The following FBN1 variants were observed in gnomAD, a reference collection of about 807,000 sequenced individuals.
FBN1 encodes the protein fibrillin-1.
FBN1 carries 29 observed loss-of-function variants against 365.1 expected under a neutral mutation model. The observed-to-expected ratio is 0.08, with a 90% CI of 0.06 to 0.11. FBN1 has a LOEUF of 0.11. FBN1 is among the 10% of genes least tolerant of loss of function. The pLI, the probability that FBN1 is intolerant of heterozygous loss-of-function variation, is 1.00. For synonymous variants in FBN1, 1,210 were observed against 1,270.5 expected (o/e 0.95, Z 1.01); for missense variants, 2,476 against 3,703.2 (o/e 0.67, Z 8.60).
At chr15:48,414,927 A>G (rs535457896) in intron 64 of FBN1, among the ~76,000 whole-genome samples, 2 of 150,834 alleles carry the variant, frequency 1.3e-5, no homozygotes, top group East Asian at 1.9e-4. Flanking sequence ...CCCTGCCCCA[A>G]CTCTCACACA....
intron 15 of FBN1, 143 bp downstream of exon 15, chr15:48,508,439 A>G: frequency 2.1e-6 from 2 of 948,758 alleles, no homozygotes; most frequent in Non-Finnish European, 3.3e-6. Flanking sequence ...TGGATTTAAG[A>G]AGGAGTTTCA....
At chr15:48,552,266 C>CT (rs1008007527) in intron 6 of FBN1, among the ~76,000 whole-genome samples, 4 of 143,320 alleles carry the variant, frequency 2.8e-5, no homozygotes, top group African/African-American at 1.0e-4. Flanking sequence ...GTTTCAATGA[C>CT]TTTTTTTTTC....
At chr15:48,546,508 A>G (rs1456209471) in intron 6 of FBN1, among the ~76,000 whole-genome samples, 1 of 152,196 alleles carries the variant, frequency 6.6e-6, no homozygotes. Flanking sequence ...CTCTAGGATT[A>G]AAAGAAAGCC....
chr15:48,539,443 G>C (rs539877507), intron 6 of FBN1, among the ~76,000 whole-genome samples: 4 of 152,146 alleles, frequency 2.6e-5, no homozygotes, highest in Non-Finnish European at 5.9e-5. Context: ...CTCCATGCCA[G>C]TGTTATGTCC....
rs776969539 is a variant in FBN1 at position 48,411,035 on chromosome 15, T to C, written c.8571A>G (p.Glu2857=). Residue 2857 remains glutamate, a synonymous_variant, in exon 66 of 66, where the codon GAA becomes GAG. Coordinates refer to ENST00000316623, the MANE Select transcript of FBN1 (RefSeq NM_000138.5). Reference sequence around the variant, plus strand: ...TTTTCATCTTCAGATTATCACCCAGTTCACCACTGAGGTAGTCTTTGTCAT... The same window carrying C: ...TTTTCATCTTCAGATTATCACCCAGCTCACCACTGAGGTAGTCTTTGTCAT... The part of the protein sequence containing the change: ...DKYDKDYLSG[E]LGDNLKMKIQ... 2 of 1,613,968 alleles carry C rather than the reference T, an allele frequency of 1.2e-6. No individual in the cohort carries two copies. The highest frequency in any genetic ancestry group is 1.7e-5 in the Admixed American group (1 of 60,012).
rs2042850023 is a variant in FBN1, at chr15:48,410,285, T to C, written c.*705A>G. 1 of 152,698 alleles carries C rather than the reference T, an allele frequency of 6.5e-6. No individual in the cohort carries two copies. 9.5% of individuals were successfully genotyped at this position (152,698 alleles called of 1,614,324 possible). A position where few individuals can be genotyped will look rare whatever the true frequency, so the allele number is the denominator to read the frequency against. ...CGAAATTTCATTACCACTTGGTGTATACATTTAACAAGTCTTTGGTCTTAA... is the reference window on the plus strand; with the variant it reads ...CGAAATTTCATTACCACTTGGTGTACACATTTAACAAGTCTTTGGTCTTAA... On this transcript the variant is annotated 3_prime_UTR_variant, in exon 66 of 66. Coordinates refer to ENST00000316623, the MANE Select transcript of FBN1 (RefSeq NM_000138.5).
At chr15:48,450,216 A>C (rs2043190334) in intron 45 of FBN1, among the ~76,000 whole-genome samples, 1 of 152,186 alleles carries the variant, frequency 6.6e-6, no homozygotes, top group Non-Finnish European at 1.5e-5. Flanking sequence ...TAGTTGGCCC[A>C]AAACTTTGGC....
At chr15:48,612,570 C>T (rs1176671457) in intron 3 of FBN1, among the ~76,000 whole-genome samples, 2 of 152,214 alleles carry the variant, frequency 1.3e-5, no homozygotes, top group Admixed American at 6.5e-5. Context: ...CACTGATCTT[C>T]GTCTGGTGAT....
At chr15:48,587,935 T>A (rs1383677576) in intron 6 of FBN1, among the ~76,000 whole-genome samples, 2 of 152,222 alleles carry the variant, frequency 1.3e-5, no homozygotes, top group Non-Finnish European at 2.9e-5. Flanking sequence ...GTTCTTTTTT[T>A]TAATGGTTTA....
At chr15:48,487,005 TAAC>T (rs1305522945) in intron 29 of FBN1, 67 bp downstream of exon 29, 11 of 646,814 alleles carry the variant, frequency 1.7e-5, no homozygotes, top group Non-Finnish European at 2.2e-5. Flanking sequence ...TAAAATAAAA[TAAC>T]ATAACATAAC....
chr15:48,464,052 T>C (rs2043301593), intron 40 of FBN1, 31 bp from the exon 41 acceptor site: 1 of 1,610,482 alleles, frequency 6.2e-7, no homozygotes, highest in Non-Finnish European at 8.5e-7. Context: ...GGTATGTGAA[T>C]ATGAAAACTT....
At chr15:48,549,700 C>A (rs1025101636) in intron 6 of FBN1, among the ~76,000 whole-genome samples, 1 of 152,116 alleles carries the variant, frequency 6.6e-6, no homozygotes, top group African/African-American at 2.4e-5. Context: ...TAATAATCCC[C>A]TGCACTATTT....
At chr15:48,639,404 A>G (rs576738362) in intron 2 of FBN1, among the ~76,000 whole-genome samples, 5 of 152,174 alleles carry the variant, frequency 3.3e-5, no homozygotes, top group Non-Finnish European at 7.3e-5. Flanking sequence ...CATGGCTGCA[A>G]TTGTTATTAT....
At chr15:48,553,502 C>A (rs924658902) in intron 6 of FBN1, among the ~76,000 whole-genome samples, 1 of 152,090 alleles carries the variant, frequency 6.6e-6, no homozygotes, top group African/African-American at 2.4e-5. Context: ...AATAGGGTAA[C>A]GGTACTGACA....
rs2043152447 is a variant in FBN1 at position 48,445,570 on chromosome 15, A to T, written c.5789-66T>A. 3.9e-6 allele frequency: 6 copies of T among 1,555,958 alleles called. No homozygotes were observed. In the Admixed American group the frequency reaches 6.7e-5, roughly 17 times the overall value. On this transcript the variant is annotated intron_variant, in intron 47 of 65. Transcript: ENST00000316623. ...GATGTCATAATCCCAGCAATAATCA[A>T]AACTTCTAAAAGAAAAAATACTTTT...
chr15:48,516,431 C>A (rs988768180), intron 10 of FBN1, 69 bp from the exon 11 acceptor site: 2 of 1,464,358 alleles, frequency 1.4e-6, no homozygotes, highest in Non-Finnish European at 9.5e-7. Context: ...CCACAGAAGT[C>A]ATCCTTATTT....
At chr15:48,429,366 C>T (rs2043008065) in intron 56 of FBN1, among the ~76,000 whole-genome samples, 1 of 152,026 alleles carries the variant, frequency 6.6e-6, no homozygotes, top group Non-Finnish European at 1.5e-5. Flanking sequence ...ATTAAGAAAT[C>T]ATAAACTACA....
In FBN1 at chr15:48,596,487, G is replaced by T. The variant is rs988997663; in HGVS notation, c.443-109C>A. On this transcript the variant is annotated intron_variant, in intron 5 of 65. Coordinates refer to ENST00000316623, the MANE Select transcript of FBN1 (RefSeq NM_000138.5). ...CAATAAAATGTCTAAAGTCACCCTGGTGTTTGTTTTGGACGGTCACTCTAC... is the reference window on the plus strand; with the variant it reads ...CAATAAAATGTCTAAAGTCACCCTGTTGTTTGTTTTGGACGGTCACTCTAC... 6.7e-5 allele frequency: 72 copies of T among 1,072,840 alleles called. No homozygotes were observed. The African/African-American group carries it at 9.4e-4, about 14-fold the overall frequency. The allele number at this position is 1,072,840 out of a possible 1,614,324, so 66.5% of individuals were successfully genotyped here. A position where few individuals can be genotyped will look rare whatever the true frequency, so the allele number is the denominator to read the frequency against.
At chr15:48,600,491 G>A in intron 4 of FBN1, among the ~76,000 whole-genome samples, 1 of 152,166 alleles carries the variant, frequency 6.6e-6, no homozygotes. Context: ...ATCACCTGAG[G>A]TCAGGAGTTT....
Sources: allele counts gnomAD v4.1 joint callset (sites outside exome capture counted in the v4.1 genomes callset), GRCh38; gene constraint gnomAD v4.1.1; transcripts MANE v1.5; gene names NCBI Gene and HGNC (gene_info 2026-07-23, HGNC 2026-07-21).